The following AKAP6 variants were observed in gnomAD, a reference collection of about 807,000 sequenced individuals.
AKAP6 encodes A-kinase anchor protein 6.
Under a neutral mutation model 188.5 loss-of-function variants are expected in AKAP6, and 58 were observed. That is an observed-to-expected ratio of 0.31 (90% confidence interval 0.25 to 0.38). The LOEUF is 0.38. AKAP6 is among the 10% of genes least tolerant of loss of function. AKAP6 has a pLI of 1.00. For missense variants in AKAP6, 2,710 were observed against 2,740.0 expected, an observed-to-expected ratio of 0.99 and a Z score of 0.24; for synonymous variants, 989 against 998.6, an observed-to-expected ratio of 0.99 and a Z score of 0.18.
chr14:32,494,920 T>A (rs552191161), intron 2 of AKAP6, among the ~76,000 whole-genome samples: 1 of 152,178 alleles, frequency 6.6e-6, no homozygotes, highest in Admixed American at 6.5e-5. Context: ...ACACAGATTG[T>A]AAGCTTTACA....
chr14:32,588,796 C>T (rs1447660380), intron 5 of AKAP6, among the ~76,000 whole-genome samples: 3 of 152,152 alleles, frequency 2.0e-5, no homozygotes, highest in Non-Finnish European at 4.4e-5. Flanking sequence ...AAAAAATTCT[C>T]AAAGATATAT....
In AKAP6 at chr14:32,782,976, T is replaced by C. The variant is rs995732188; in HGVS notation, c.3588+9083T>C. Among the ~76,000 whole-genome samples, 3 of 152,080 alleles carry C rather than the reference T, an allele frequency of 2.0e-5. No individual in the cohort carries two copies. In the South Asian group the frequency reaches 6.2e-4, roughly 31 times the overall value. ...GCAACTTTGAGAAAGATGAGTTAAATTGGAGGATTTATACCTCCTGATATC... is the reference window on the plus strand; with the variant it reads ...GCAACTTTGAGAAAGATGAGTTAAACTGGAGGATTTATACCTCCTGATATC... On this transcript the variant is annotated intron_variant, in intron 12 of 13. Transcript: ENST00000280979.
At position 32,535,809 on chromosome 14, in the gene AKAP6, A is replaced by G; in HGVS notation, c.576+4A>G. The G allele has an allele frequency of 6.2e-7, 1 of 1,605,364 alleles. No individual in the cohort carries two copies. Among genetic ancestry groups the G allele is most frequent in the Non-Finnish European group, 8.5e-7 (1 of 1,173,744 alleles). ...TTTCTCTGAAGAGACAAAAGAGGTG[A>G]GTGTTTTCCTTGAAGTTAAGCAATG... On this transcript the variant is annotated splice_donor_region_variant and intron_variant, in intron 3 of 13. Transcript: ENST00000280979.
At chr14:32,554,786 G>C (rs2139186315) in intron 4 of AKAP6, among the ~76,000 whole-genome samples, 1 of 152,240 alleles carries the variant, frequency 6.6e-6, no homozygotes, top group Middle Eastern at 3.4e-3. Flanking sequence ...AGCAGCACAG[G>C]GTATGCCATC....
chr14:32,464,106 C>T (rs1455095071), intron 2 of AKAP6, among the ~76,000 whole-genome samples: 1 of 152,108 alleles, frequency 6.6e-6, no homozygotes, highest in Admixed American at 6.5e-5. Flanking sequence ...TAATTAATAG[C>T]CTACCAACCA....
In AKAP6 at chr14:32,670,546, A is replaced by G. The variant is rs150921779; in HGVS notation, c.2731-7765A>G. ...TTGAAGGTAAAAAAGATTGTGTAGTAAAAGAAGGAAAATGTCCCCAGTAAC... is the reference window on the plus strand; with the variant it reads ...TTGAAGGTAAAAAAGATTGTGTAGTGAAAGAAGGAAAATGTCCCCAGTAAC... On this transcript the variant is annotated intron_variant, in intron 7 of 13. Transcript: ENST00000280979. 4.1e-3 allele frequency among the ~76,000 whole-genome samples: 623 copies of G among 152,288 alleles called. 5 individuals are homozygous for G. The highest frequency in any genetic ancestry group is 0.014 in the African/African-American group (597 of 41,558).
chr14:32,625,539 A>G (rs545119655), intron 7 of AKAP6, among the ~76,000 whole-genome samples: 11 of 152,146 alleles, frequency 7.2e-5, no homozygotes, highest in Non-Finnish European at 1.0e-4. Context: ...TAATGTTATT[A>G]GTTGCCCTTA....
chr14:32,653,947 A>G (rs969300091), intron 7 of AKAP6, among the ~76,000 whole-genome samples: 1 of 152,120 alleles, frequency 6.6e-6, no homozygotes, highest in Non-Finnish European at 1.5e-5. Context: ...TTAAAAACCT[A>G]TACAGACTCA....
intron 1 of AKAP6, among the ~76,000 whole-genome samples, chr14:32,349,591 C>A (rs960367965): frequency 6.6e-5 from 10 of 152,124 alleles, no homozygotes; most frequent in Non-Finnish European, 1.5e-4. Flanking sequence ...AAATTTATTA[C>A]AAATGTGCAT....
intron 9 of AKAP6, among the ~76,000 whole-genome samples, chr14:32,701,779 G>T (rs1304166044): frequency 6.6e-6 from 1 of 152,038 alleles, no homozygotes; most frequent in East Asian, 1.9e-4. Context: ...GGACCAAATT[G>T]ATCTAACTAA....
rs757669709 is a variant in AKAP6 at position 32,546,351 on chromosome 14, G to T, written c.1698G>T (p.Leu566Phe). The T allele has an allele frequency of 2.4e-5, 39 of 1,614,182 alleles. No individual in the cohort carries two copies. Among genetic ancestry groups the T allele is most frequent in the Non-Finnish European group, 3.1e-5 (36 of 1,180,028 alleles). Residue 566 changes from leucine to phenylalanine, a missense_variant, in exon 4 of 14, where the codon TTG becomes TTT. By Grantham distance (22) the Leu-to-Phe change is conservative. Transcript: ENST00000280979. ...PCNQRSWNAK[L>F]QLQSETSSSP... ...ATCAGAGAAGTTGGAATGCCAAATTGCAATTGCAGTCAGAAACATCCAGTT... is the reference window on the plus strand; with the variant it reads ...ATCAGAGAAGTTGGAATGCCAAATTTCAATTGCAGTCAGAAACATCCAGTT...
At position 32,832,855 on chromosome 14, in the gene AKAP6, A is replaced by G. The variant is rs1358381788; in HGVS notation, c.*3050A>G. On this transcript the variant is annotated 3_prime_UTR_variant, in exon 14 of 14. Transcript: ENST00000280979. Reference sequence around the variant, plus strand: ...TCATCTCCCAACCACTGTTTCCTCAACTGCCCTTCATATGTCATGGTTTTC... The same window carrying G: ...TCATCTCCCAACCACTGTTTCCTCAGCTGCCCTTCATATGTCATGGTTTTC... 6.6e-6 allele frequency: 1 copy of G among 152,578 alleles called. No homozygotes were observed. Among genetic ancestry groups the G allele is most frequent in the African/African-American group, 2.4e-5 (1 of 41,436 alleles). The allele number at this position is 152,578 out of a possible 1,614,324, so 9.5% of individuals were successfully genotyped here. A position where few individuals can be genotyped will look rare whatever the true frequency, so the allele number is the denominator to read the frequency against.
intron 2 of AKAP6, among the ~76,000 whole-genome samples, chr14:32,504,105 A>G (rs11620694): frequency 6.6e-6 from 1 of 151,628 alleles, no homozygotes; most frequent in African/African-American, 2.4e-5. Flanking sequence ...AAATTATTCC[A>G]TAGTACTTTA....
intron 1 of AKAP6, among the ~76,000 whole-genome samples, chr14:32,364,867 G>T (rs1887782073): frequency 6.6e-6 from 1 of 152,124 alleles, no homozygotes; most frequent in Non-Finnish European, 1.5e-5. Flanking sequence ...GATTTAGGTT[G>T]CCAGAGATGC....
At chr14:32,678,612 A>G (rs1298691910) in intron 8 of AKAP6, among the ~76,000 whole-genome samples, 153 bp downstream of exon 8, 1 of 152,224 alleles carries the variant, frequency 6.6e-6, no homozygotes, top group Non-Finnish European at 1.5e-5. Context: ...CATTTGTGCC[A>G]GAATTGAAGA....
chr14:32,619,424 AGTGT>A (rs1211562126), intron 7 of AKAP6, among the ~76,000 whole-genome samples: 1 of 150,742 alleles, frequency 6.6e-6, no homozygotes, highest in African/African-American at 2.5e-5. Context: ...CAGCACCAAT[AGTGT>A]GTTCTTTCTC....
intron 7 of AKAP6, among the ~76,000 whole-genome samples, chr14:32,641,179 G>A (rs1308118626): frequency 6.6e-6 from 1 of 152,052 alleles, no homozygotes; most frequent in Non-Finnish European, 1.5e-5. Context: ...TGATGGTAAT[G>A]AGTAATCAGG....
intron 1 of AKAP6, among the ~76,000 whole-genome samples, chr14:32,388,483 G>C (rs1324922007): frequency 4.6e-5 from 7 of 151,992 alleles, no homozygotes. Flanking sequence ...TGATGTAGGT[G>C]TTTAGGGCTA....
At chr14:32,734,743 C>A (rs544093474) in intron 10 of AKAP6, 2 of 152,072 alleles carry the variant, frequency 1.3e-5, no homozygotes, top group South Asian at 4.2e-4. Flanking sequence ...AAGGGTGTTG[C>A]CAAGAAAGGC....
Sources: gnomAD v4.1 joint callset for allele counts (sites outside exome capture counted in the v4.1 genomes callset) on GRCh38, gnomAD v4.1.1 for gene constraint, MANE v1.5 for transcripts, NCBI Gene and HGNC (gene_info 2026-07-23, HGNC 2026-07-21) for gene names.